The following FAR2 variants were observed in gnomAD, a reference collection of about 807,000 sequenced individuals.
FAR2 encodes the protein epididymis secretory protein Li 81.
A neutral mutation model predicts 56.0 loss-of-function variants in FAR2; 19 were observed. The ratio of observed to expected loss-of-function variants is 0.34; its 90% CI spans 0.24 to 0.50. The LOEUF is 0.50. Ranked by LOEUF, FAR2 falls within the 20% of genes least tolerant of loss-of-function variation. The pLI is 0.98. For missense variants in FAR2, 508 were observed against 642.2 expected (o/e 0.79, Z 2.26); for synonymous variants, 219 against 218.8 (o/e 1.00, Z -0.01).
At chr12:29,281,938 G>GTGTT (rs1056490342) in intron 2 of FAR2, among the ~76,000 whole-genome samples, 5 of 152,154 alleles carry the variant, frequency 3.3e-5, no homozygotes, top group Non-Finnish European at 5.9e-5. Flanking sequence ...AAATAGTGCA[G>GTGTT]TGTTTGCCAA....
chr12:29,200,136 T>A (rs186732542), intron 1 of FAR2, among the ~76,000 whole-genome samples: 55 of 152,282 alleles, frequency 3.6e-4, no homozygotes, highest in African/African-American at 1.3e-3. Flanking sequence ...AGGACCAAAC[T>A]GGGGGACTTC....
chr12:29,317,955 AAC>A (rs1949482421), intron 9 of FAR2: 1 of 152,642 alleles, frequency 6.6e-6, no homozygotes, highest in Non-Finnish European at 1.5e-5. Context: ...AATTAGAGGG[AAC>A]ACAGTGTGCT....
chr12:29,232,447 A>T (rs1001591545), intron 1 of FAR2, among the ~76,000 whole-genome samples: 8 of 151,944 alleles, frequency 5.3e-5, no homozygotes, highest in African/African-American at 1.9e-4. Context: ...CTTCCTGCTA[A>T]TCTTTCCATC....
intron 1 of FAR2, among the ~76,000 whole-genome samples, chr12:29,246,523 T>C (rs1336199942): frequency 1.3e-5 from 2 of 152,294 alleles, no homozygotes; most frequent in South Asian, 2.1e-4. Context: ...AAATTCACTT[T>C]AGATCGATAA....
At chr12:29,270,001 C>A (rs752217349) in intron 1 of FAR2, among the ~76,000 whole-genome samples, 3 of 152,198 alleles carry the variant, frequency 2.0e-5, no homozygotes, top group Non-Finnish European at 2.9e-5. Context: ...ATGACCCCAG[C>A]CCTTCTCTGC....
At chr12:29,306,548 C>A (rs1949256715) in intron 4 of FAR2, among the ~76,000 whole-genome samples, 1 of 151,946 alleles carries the variant, frequency 6.6e-6, no homozygotes, top group African/African-American at 2.4e-5. Flanking sequence ...ATAAATATAC[C>A]ACATTGATTA....
intron 1 of FAR2, among the ~76,000 whole-genome samples, chr12:29,245,357 C>A (rs566432924): frequency 4.2e-4 from 64 of 152,262 alleles, no homozygotes; most frequent in Middle Eastern, 3.4e-3. Context: ...ACTGGTATGG[C>A]CTGTCATTTG....
At chr12:29,278,177 T>C (rs2136720199) in intron 2 of FAR2, among the ~76,000 whole-genome samples, 1 of 152,146 alleles carries the variant, frequency 6.6e-6, no homozygotes, top group South Asian at 2.1e-4. Context: ...ACAGTCCTCC[T>C]GCCTCAGTCT....
In FAR2 at chr12:29,228,325, G is replaced by A. The variant is rs1422948389; in HGVS notation, c.-38-42087G>A. Among the ~76,000 whole-genome samples the A allele has an allele frequency of 8.9e-5, 13 of 145,876 alleles. No homozygotes were observed. In the East Asian group the frequency reaches 2.7e-3, roughly 30 times the overall value. The stretch of plus-strand genomic sequence containing the variant: ...GGATTTTTTATTTTACAATATTGGG[G>A]TGATACCTCTGTTTTTTCATCTGGA... On this transcript the variant is annotated intron_variant, in intron 1 of 11. Coordinates refer to ENST00000536681, the MANE Select transcript of FAR2 (RefSeq NM_001271783.2).
At chr12:29,304,726 T>C (rs1186538712) in intron 4 of FAR2, among the ~76,000 whole-genome samples, 1 of 152,212 alleles carries the variant, frequency 6.6e-6, no homozygotes, top group Non-Finnish European at 1.5e-5. Flanking sequence ...TGTGTGTATA[T>C]GTGAACACAC....
chr12:29,206,319 G>A (rs534406555), intron 1 of FAR2, among the ~76,000 whole-genome samples: 2 of 152,324 alleles, frequency 1.3e-5, no homozygotes, highest in South Asian at 4.1e-4. Context: ...ATATTCCAAA[G>A]GTGACGCCAG....
chr12:29,302,809 G>A (rs897316709), intron 4 of FAR2, among the ~76,000 whole-genome samples: 1 of 152,058 alleles, frequency 6.6e-6, no homozygotes, highest in Non-Finnish European at 1.5e-5. Flanking sequence ...GAGGAAGCGA[G>A]ACCCATTACC....
At chr12:29,239,373 A>G (rs1591880239) in intron 1 of FAR2, among the ~76,000 whole-genome samples, 1 of 152,142 alleles carries the variant, frequency 6.6e-6, no homozygotes, top group African/African-American at 2.4e-5. Context: ...AAGAGCTATC[A>G]AAGTCCTGTT....
intron 1 of FAR2, among the ~76,000 whole-genome samples, chr12:29,174,798 G>C (rs1565681622): frequency 6.6e-6 from 1 of 152,172 alleles, no homozygotes; most frequent in Non-Finnish European, 1.5e-5. Context: ...TTAGGACCCA[G>C]GAGGCAAGGG....
chr12:29,254,950 C>CAAAAAAAAAA (rs759782873), intron 1 of FAR2, among the ~76,000 whole-genome samples: 1 of 121,546 alleles, frequency 8.2e-6, no homozygotes. Flanking sequence ...AAGACTGTCT[C>CAAAAAAAAAA]AAAAAAAAAA....
At chr12:29,202,533 T>C (rs970672691) in intron 1 of FAR2, among the ~76,000 whole-genome samples, 9 of 152,200 alleles carry the variant, frequency 5.9e-5, no homozygotes, top group African/African-American at 2.2e-4. Flanking sequence ...AGTTTGCATA[T>C]TTGTCCCTTC....
chr12:29,203,880 G>A (rs1947445443), intron 1 of FAR2, among the ~76,000 whole-genome samples: 1 of 150,460 alleles, frequency 6.6e-6, no homozygotes, highest in South Asian at 2.1e-4. Context: ...GGCGCCTGTA[G>A]TCCCAGCTAC....
chr12:29,252,789 C>T (rs914459697), intron 1 of FAR2, among the ~76,000 whole-genome samples: 2 of 152,130 alleles, frequency 1.3e-5, no homozygotes, highest in Non-Finnish European at 2.9e-5. Flanking sequence ...AAATGGTTGC[C>T]AAGTTGACAC....
At chr12:29,222,555 T>C (rs931920633) in intron 1 of FAR2, among the ~76,000 whole-genome samples, 3 of 151,932 alleles carry the variant, frequency 2.0e-5, no homozygotes, top group Admixed American at 2.0e-4. Context: ...TCTTGATATC[T>C]AGAGTGATAT....
Sources: allele counts gnomAD v4.1 joint callset (sites outside exome capture counted in the v4.1 genomes callset), GRCh38; gene constraint gnomAD v4.1.1; transcripts MANE v1.5; gene names NCBI Gene and HGNC (gene_info 2026-07-23, HGNC 2026-07-21).